KIAA0825: variants seen among roughly 807,000 people sequenced by gnomAD.
KIAA0825 encodes the protein KIAA0825, also known as uncharacterized protein KIAA0825.
A neutral mutation model predicts 147.6 loss-of-function variants in KIAA0825; 119 were observed. The ratio of observed to expected loss-of-function variants is 0.81; its 90% CI spans 0.69 to 0.94. The LOEUF (loss-of-function observed/expected upper bound fraction) is 0.94, where lower values mean the gene tolerates loss of function less well. Among genes scored for constraint, KIAA0825 ranks in the 40% least tolerant of loss-of-function variants. The pLI is 0.00. For synonymous variants in KIAA0825, 470 were observed against 518.1 expected, an observed-to-expected ratio of 0.91 and a Z score of 1.26; for missense variants, 1,381 against 1,472.7, an observed-to-expected ratio of 0.94 and a Z score of 1.02.
Position 94,557,989 on chromosome 5 carries a change from C to T in KIAA0825, c.-1-20862G>A, listed in dbSNP as rs570942113. Reference sequence around the variant, plus strand: ...CTGCCGTGCTCCTGATCCAGGGAGGCGCCCATTGCCGCTCCTGATCAGGCT... The same window carrying T: ...CTGCCGTGCTCCTGATCCAGGGAGGTGCCCATTGCCGCTCCTGATCAGGCT... On this transcript the variant is annotated intron_variant, in intron 2 of 20. Coordinates refer to ENST00000682413, the MANE Select transcript of KIAA0825 (RefSeq NM_001145678.3). Among the ~76,000 whole-genome samples the T allele has an allele frequency of 1.5e-3, 230 of 152,286 alleles. 1 individual carries two copies. Among genetic ancestry groups the T allele is most frequent in the African/African-American group, 5.2e-3 (218 of 41,556 alleles).
chr5:94,250,045 TTA>T (rs1436204852), intron 20 of KIAA0825, among the ~76,000 whole-genome samples: 1 of 152,124 alleles, frequency 6.6e-6, no homozygotes, highest in Non-Finnish European at 1.5e-5. Context: ...CTTCAGGTTT[TTA>T]TGTTTTCCAA....
chr5:94,574,940 C>T (rs1354829071), intron 2 of KIAA0825, among the ~76,000 whole-genome samples: 1 of 152,166 alleles, frequency 6.6e-6, no homozygotes, highest in African/African-American at 2.4e-5. Flanking sequence ...CTCTTAAACC[C>T]CATTCACAGC....
At chr5:94,612,884 C>A (rs978351026) in intron 1 of KIAA0825, among the ~76,000 whole-genome samples, 1 of 152,074 alleles carries the variant, frequency 6.6e-6, no homozygotes, top group Admixed American at 6.5e-5. Flanking sequence ...AAACTAGAGA[C>A]CTTAATAATT....
At chr5:94,344,325 A>G (rs1400599872) in intron 20 of KIAA0825, among the ~76,000 whole-genome samples, 1 of 152,228 alleles carries the variant, frequency 6.6e-6, no homozygotes, top group African/African-American at 2.4e-5. Flanking sequence ...ACTGAGCAAA[A>G]AAAAGCCAGA....
chr5:94,200,296 C>A (rs1178876595), intron 20 of KIAA0825, among the ~76,000 whole-genome samples: 1 of 152,148 alleles, frequency 6.6e-6, no homozygotes, highest in Non-Finnish European at 1.5e-5. Flanking sequence ...CCTAGGAGCT[C>A]CTCAGGGCCA....
At chr5:94,330,308 A>T (rs1057144096) in intron 20 of KIAA0825, among the ~76,000 whole-genome samples, 1 of 152,176 alleles carries the variant, frequency 6.6e-6, no homozygotes, top group African/African-American at 2.4e-5. Context: ...TATAACATAG[A>T]CCATATTCTG....
chr5:94,289,078 C>G (rs564580250), intron 20 of KIAA0825, among the ~76,000 whole-genome samples: 2 of 152,194 alleles, frequency 1.3e-5, no homozygotes, highest in African/African-American at 4.8e-5. Context: ...TTTGCAGTAC[C>G]CTTTTGTGTA....
intron 3 of KIAA0825, among the ~76,000 whole-genome samples, chr5:94,528,062 A>G (rs561965546): frequency 1.3e-5 from 2 of 152,204 alleles, no homozygotes; most frequent in East Asian, 3.8e-4. Flanking sequence ...AATGGCTAAA[A>G]TGGTGAGAAA....
At chr5:94,356,544 G>A (rs533692490) in intron 20 of KIAA0825, among the ~76,000 whole-genome samples, 39 of 151,292 alleles carry the variant, frequency 2.6e-4, no homozygotes, top group African/African-American at 8.0e-4. Context: ...CCCGGGAGGC[G>A]GACTTGCAGT....
chr5:94,487,818 G>C (rs1217122550), intron 5 of KIAA0825, among the ~76,000 whole-genome samples: 1 of 152,146 alleles, frequency 6.6e-6, no homozygotes, highest in African/African-American at 2.4e-5. Context: ...GCTGGGCGTA[G>C]TGGCGTGAGC....
intron 2 of KIAA0825, among the ~76,000 whole-genome samples, chr5:94,564,214 GTTTTT>G (rs545943328): frequency 9.5e-6 from 1 of 105,202 alleles, no homozygotes; most frequent in African/African-American, 3.6e-5. Flanking sequence ...TATTCCCCTT[GTTTTT>G]TTTTTTTTTT....
chr5:94,190,582 G>A (rs902499451), intron 20 of KIAA0825, among the ~76,000 whole-genome samples: 3 of 146,846 alleles, frequency 2.0e-5, no homozygotes, highest in African/African-American at 7.5e-5. Flanking sequence ...CTTTGAGTAT[G>A]GTATTAGCTG....
At chr5:94,283,899 T>C (rs1777561833) in intron 20 of KIAA0825, among the ~76,000 whole-genome samples, 1 of 152,148 alleles carries the variant, frequency 6.6e-6, no homozygotes, top group Non-Finnish European at 1.5e-5. Flanking sequence ...CTACTGATTT[T>C]CTAAGTGTTG....
chr5:94,298,859 C>T (rs762074703), intron 20 of KIAA0825, among the ~76,000 whole-genome samples: 3 of 152,200 alleles, frequency 2.0e-5, no homozygotes, highest in Admixed American at 6.5e-5. Context: ...CAAGGTAGTT[C>T]GTTGTCAAGA....
At chr5:94,403,886 T>A in intron 15 of KIAA0825, 93 bp from the exon 16 acceptor site, 1 of 1,038,632 alleles carries the variant, frequency 9.6e-7, no homozygotes, top group Non-Finnish European at 1.4e-6. Flanking sequence ...TCATCTAGTT[T>A]AAAGCTATAG....
intron 1 of KIAA0825, among the ~76,000 whole-genome samples, chr5:94,600,940 T>C (rs1339413288): frequency 6.6e-6 from 1 of 152,140 alleles, no homozygotes; most frequent in Non-Finnish European, 1.5e-5. Context: ...AAAGAGTTTC[T>C]AGAGGGAGGG....
intron 20 of KIAA0825, among the ~76,000 whole-genome samples, chr5:94,369,353 TA>T (rs929544336): frequency 2.0e-5 from 3 of 152,156 alleles, no homozygotes; most frequent in African/African-American, 7.2e-5. Context: ...ATAGAATTTT[TA>T]AAAAATAGAA....
At chr5:94,565,662 G>A (rs1049090904) in intron 2 of KIAA0825, among the ~76,000 whole-genome samples, 1 of 152,068 alleles carries the variant, frequency 6.6e-6, no homozygotes, top group African/African-American at 2.4e-5. Context: ...AACTCTGACT[G>A]GGAATAAAGT....
rs1003314217 is a variant in KIAA0825 at position 94,151,244 on chromosome 5, C to G, written c.*2763G>C. On this transcript the variant is annotated 3_prime_UTR_variant, in exon 21 of 21. Coordinates refer to ENST00000682413, the MANE Select transcript of KIAA0825 (RefSeq NM_001145678.3). The stretch of plus-strand genomic sequence containing the variant: ...CATCCTGGCTAACAAGGTGAAACCC[C>G]GTCTCTACTAAAAATACAAAAAAGT... Among the ~76,000 whole-genome samples the G allele has an allele frequency of 1.3e-5, 2 of 150,038 alleles. No homozygotes were observed. Among genetic ancestry groups the G allele is most frequent in the African/African-American group, 4.9e-5 (2 of 40,914 alleles).
Sources: gnomAD v4.1 joint callset for allele counts (sites outside exome capture counted in the v4.1 genomes callset) on GRCh38, gnomAD v4.1.1 for gene constraint, MANE v1.5 for transcripts, NCBI Gene and HGNC (gene_info 2026-07-23, HGNC 2026-07-21) for gene names.